Variants in ZDHHC14 observed in about 807,000 individuals in gnomAD.
ZDHHC14 encodes the protein zDHHC palmitoyltransferase 14.
ZDHHC14 carries 16 observed loss-of-function variants against 47.7 expected under a neutral mutation model. The ratio of observed to expected loss-of-function variants is 0.34; its 90% CI spans 0.23 to 0.51. The LOEUF is 0.51. ZDHHC14 is among the 20% of genes least tolerant of loss of function. The pLI is 0.97. For missense variants in ZDHHC14, 515 were observed against 662.5 expected (o/e 0.78, Z 2.44); for synonymous variants, 293 against 278.9 (o/e 1.05, Z -0.50).
chr6:157,401,578 A>G (rs1168621018), intron 1 of ZDHHC14, among the ~76,000 whole-genome samples: 1 of 148,796 alleles, frequency 6.7e-6, no homozygotes, highest in African/African-American at 2.5e-5. Context: ...TGCAGTAGTG[A>G]GATGCGCACC....
chr6:157,411,946 C>G (rs1562414905), intron 1 of ZDHHC14, among the ~76,000 whole-genome samples: 4 of 146,994 alleles, frequency 2.7e-5, no homozygotes, highest in African/African-American at 1.0e-4. Context: ...TATTTTATTT[C>G]TTTTTTTTTT....
chr6:157,393,493 A>G (rs952916112), intron 1 of ZDHHC14, among the ~76,000 whole-genome samples: 2 of 152,236 alleles, frequency 1.3e-5, no homozygotes, highest in Non-Finnish European at 2.9e-5. Context: ...GCAACAGCTT[A>G]TTTTAACACT....
At chr6:157,408,981 G>C (rs1220550738) in intron 1 of ZDHHC14, among the ~76,000 whole-genome samples, 2 of 152,108 alleles carry the variant, frequency 1.3e-5, no homozygotes, top group Non-Finnish European at 2.9e-5. Context: ...TTGCATCTGA[G>C]TTCCAGACAC....
intron 8 of ZDHHC14, among the ~76,000 whole-genome samples, chr6:157,670,369 C>CA (rs1778743107): frequency 6.6e-6 from 1 of 152,238 alleles, no homozygotes. Context: ...TCTCAGCTCA[C>CA]TGGAACCTCT....
intron 1 of ZDHHC14, among the ~76,000 whole-genome samples, chr6:157,416,072 G>A (rs1336155056): frequency 1.3e-5 from 2 of 152,132 alleles, no homozygotes; most frequent in Non-Finnish European, 2.9e-5. Flanking sequence ...CAAGCATCAC[G>A]GGCAACTCTC....
intron 2 of ZDHHC14, among the ~76,000 whole-genome samples, chr6:157,548,436 G>GTTGTTTGT (rs199951969): frequency 2.5e-3 from 374 of 151,096 alleles, no homozygotes; most frequent in Middle Eastern, 0.017. Context: ...TGTTGTTGTT[G>GTTGTTTGT]TTGTTTGTTT....
intron 2 of ZDHHC14, among the ~76,000 whole-genome samples, chr6:157,558,126 G>A (rs138925173): frequency 0.014 from 2,058 of 152,306 alleles, 58 homozygotes; most frequent in African/African-American, 0.046. Flanking sequence ...ATTGAGATAT[G>A]TTACATTCTC....
chr6:157,440,844 A>C (rs946328657), intron 1 of ZDHHC14, among the ~76,000 whole-genome samples: 1 of 152,270 alleles, frequency 6.6e-6, no homozygotes, highest in Non-Finnish European at 1.5e-5. Flanking sequence ...CTTCATGTGT[A>C]CAAGTTTTCT....
intron 1 of ZDHHC14, among the ~76,000 whole-genome samples, chr6:157,476,417 G>A (rs1285258067): frequency 6.6e-6 from 1 of 152,094 alleles, no homozygotes; most frequent in Non-Finnish European, 1.5e-5. Context: ...GTATTAAAAA[G>A]TCTGCCATCA....
intron 5 of ZDHHC14, among the ~76,000 whole-genome samples, chr6:157,640,442 C>G (rs1664369112): frequency 6.6e-6 from 1 of 152,168 alleles, no homozygotes; most frequent in South Asian, 2.1e-4. Flanking sequence ...GGTTGGCCCA[C>G]AGAAAGGACA....
chr6:157,672,657 C>A, intron 8 of ZDHHC14, 67 bp from the exon 9 acceptor site: 2 of 723,018 alleles, frequency 2.8e-6, no homozygotes, highest in South Asian at 1.5e-5. Flanking sequence ...CTGTCCCCAT[C>A]CCTGTCCCTC....
chr6:157,513,681 T>C (rs1208716554), intron 1 of ZDHHC14, among the ~76,000 whole-genome samples: 6 of 152,230 alleles, frequency 3.9e-5, no homozygotes, highest in African/African-American at 7.2e-5. Flanking sequence ...TTATATATTA[T>C]ATTCTGTTAT....
chr6:157,588,888 A>C (rs1042507646), intron 2 of ZDHHC14, among the ~76,000 whole-genome samples: 10 of 152,282 alleles, frequency 6.6e-5, no homozygotes, highest in African/African-American at 2.4e-4. Flanking sequence ...ACAAGCCAAG[A>C]ATCTGCTTAT....
chr6:157,606,087 G>A (rs1174221921), intron 3 of ZDHHC14, among the ~76,000 whole-genome samples: 2 of 152,134 alleles, frequency 1.3e-5, no homozygotes, highest in Admixed American at 1.3e-4. Context: ...TATACTACCT[G>A]CACATTTTAG....
chr6:157,449,070 T>G (rs1209329456), intron 1 of ZDHHC14, among the ~76,000 whole-genome samples: 1 of 152,236 alleles, frequency 6.6e-6, no homozygotes, highest in African/African-American at 2.4e-5. Context: ...TCTTCACATG[T>G]GGCTTGCCCA....
intron 1 of ZDHHC14, among the ~76,000 whole-genome samples, chr6:157,534,747 G>A (rs1014556154): frequency 6.6e-6 from 1 of 151,650 alleles, no homozygotes; most frequent in Non-Finnish European, 1.5e-5. Context: ...CACTACCACA[G>A]CCAGCTGGTT....
At chr6:157,451,204 C>T (rs1778796108) in intron 1 of ZDHHC14, among the ~76,000 whole-genome samples, 1 of 152,158 alleles carries the variant, frequency 6.6e-6, no homozygotes, top group African/African-American at 2.4e-5. Flanking sequence ...ATCCTTGGTG[C>T]ATCTTCCTTT....
At chr6:157,434,587 G>A (rs1261653462) in intron 1 of ZDHHC14, among the ~76,000 whole-genome samples, 2 of 141,706 alleles carry the variant, frequency 1.4e-5, no homozygotes, top group Non-Finnish European at 3.1e-5. Context: ...GAATCATTTA[G>A]GCCACAGTAA....
chr6:157,619,709 GGTTT>G (rs1424347314), intron 3 of ZDHHC14, among the ~76,000 whole-genome samples: 3 of 132,170 alleles, frequency 2.3e-5, no homozygotes, highest in African/African-American at 5.3e-5. Flanking sequence ...TTAGTTTTAG[GGTTT>G]GTTTTTTTTT....
Sources: gnomAD v4.1 joint callset for allele counts (sites outside exome capture counted in the v4.1 genomes callset) on GRCh38, gnomAD v4.1.1 for gene constraint, MANE v1.5 for transcripts, NCBI Gene and HGNC (gene_info 2026-07-23, HGNC 2026-07-21) for gene names.